Variants in FGF14 observed in about 807,000 individuals in gnomAD.
The protein encoded by FGF14 is fibroblast growth factor homologous factor 4.
A neutral mutation model predicts 25.5 loss-of-function variants in FGF14; 5 were observed. The observed-to-expected ratio is 0.20, with a 90% CI of 0.10 to 0.41. The LOEUF is 0.41. FGF14 is among the 10% of genes least tolerant of loss of function. FGF14 has a pLI of 1.00. For synonymous variants in FGF14, 138 were observed against 118.3 expected (o/e 1.17, Z -1.08); for missense variants, 222 against 320.1 (o/e 0.69, Z 2.34).
At chr13:101,832,750 A>C (rs2042736000) in intron 3 of FGF14, among the ~76,000 whole-genome samples, 1 of 152,062 alleles carries the variant, frequency 6.6e-6, no homozygotes, top group South Asian at 2.1e-4. Flanking sequence ...AAAGGACATG[A>C]ACTTTTAAAT....
At chr13:101,975,296 G>A (rs1850921821) in intron 1 of FGF14, among the ~76,000 whole-genome samples, 1 of 152,138 alleles carries the variant, frequency 6.6e-6, no homozygotes, top group African/African-American at 2.4e-5. Context: ...TCCAGTGGGA[G>A]CCAGCACTAA....
At chr13:102,077,899 C>T (rs185001331) in intron 1 of FGF14, among the ~76,000 whole-genome samples, 3 of 152,122 alleles carry the variant, frequency 2.0e-5, no homozygotes, top group Admixed American at 1.3e-4. Flanking sequence ...TACCCATGAA[C>T]AAATGAATGG....
intron 1 of FGF14, among the ~76,000 whole-genome samples, chr13:102,234,488 T>C (rs9518682): frequency 0.12 from 3,559 of 29,450 alleles, 305 homozygotes; most frequent in Middle Eastern, 0.26. Context: ...AAATATACAC[T>C]TAAATGTGAA....
chr13:101,834,396 G>T (rs1425103623), intron 3 of FGF14, among the ~76,000 whole-genome samples: 2 of 152,058 alleles, frequency 1.3e-5, no homozygotes, highest in Non-Finnish European at 1.5e-5. Context: ...TGGCAAATAT[G>T]TGGTGGTCCA....
At chr13:102,369,037 A>G (rs2057798155) in intron 1 of FGF14, among the ~76,000 whole-genome samples, 1 of 152,216 alleles carries the variant, frequency 6.6e-6, no homozygotes, top group Non-Finnish European at 1.5e-5. Context: ...CTCAGTCAAC[A>G]GATTAGTAAA....
chr13:102,338,764 A>G (rs144838621), intron 1 of FGF14, among the ~76,000 whole-genome samples: 135 of 152,302 alleles, frequency 8.9e-4, no homozygotes, highest in Non-Finnish European at 1.6e-3. Context: ...CTGTAATCCC[A>G]ACACTTTGGG....
chr13:101,839,232 A>C (rs777974636), intron 3 of FGF14, among the ~76,000 whole-genome samples: 12 of 152,192 alleles, frequency 7.9e-5, no homozygotes, highest in South Asian at 4.1e-4. Context: ...CCTTTTATTA[A>C]TTTTAAGTTG....
At chr13:101,845,882 G>A (rs2043429731) in intron 3 of FGF14, among the ~76,000 whole-genome samples, 1 of 151,940 alleles carries the variant, frequency 6.6e-6, no homozygotes. Flanking sequence ...CAGGGGGTAG[G>A]TGGTGGCAGG....
At chr13:102,180,443 G>A (rs1192451671) in intron 1 of FGF14, among the ~76,000 whole-genome samples, 1 of 152,034 alleles carries the variant, frequency 6.6e-6, no homozygotes, top group Non-Finnish European at 1.5e-5. Context: ...CTCCCGAGTA[G>A]CTGGGATTAC....
intron 3 of FGF14, among the ~76,000 whole-genome samples, chr13:101,848,735 G>T (rs1369580319): frequency 6.6e-6 from 1 of 151,962 alleles, no homozygotes; most frequent in East Asian, 1.9e-4. Context: ...GGAGAGAAAA[G>T]TATTTGTAAA....
intron 1 of FGF14, among the ~76,000 whole-genome samples, chr13:102,034,047 G>A (rs1026447925): frequency 3.9e-5 from 6 of 152,106 alleles, no homozygotes; most frequent in Non-Finnish European, 8.8e-5. Context: ...TTCAACAGCT[G>A]TGCCTCTCTT....
chr13:101,946,261 CA>C (rs2035796848), intron 1 of FGF14, among the ~76,000 whole-genome samples: 1 of 151,262 alleles, frequency 6.6e-6, no homozygotes, highest in Non-Finnish European at 1.5e-5. Flanking sequence ...CACAGATCTG[CA>C]GTCCTGCTCT....
At chr13:101,785,019 C>T (rs550952314) in intron 3 of FGF14, among the ~76,000 whole-genome samples, 2 of 152,104 alleles carry the variant, frequency 1.3e-5, no homozygotes, top group Non-Finnish European at 1.5e-5. Context: ...GAAGAGGAAA[C>T]AACCAACCCC....
At chr13:101,832,303 G>A (rs553452799) in intron 3 of FGF14, among the ~76,000 whole-genome samples, 1 of 152,152 alleles carries the variant, frequency 6.6e-6, no homozygotes, top group Admixed American at 6.6e-5. Flanking sequence ...TGAACAGACT[G>A]AAACTGATCT....
intron 1 of FGF14, among the ~76,000 whole-genome samples, chr13:101,888,275 C>T (rs567826761): frequency 2.0e-5 from 3 of 152,172 alleles, no homozygotes; most frequent in East Asian, 1.9e-4. Context: ...CTGCTGGTAG[C>T]GGTAACCTAT....
intron 1 of FGF14, among the ~76,000 whole-genome samples, chr13:102,362,995 A>C (rs1022698495): frequency 1.3e-5 from 2 of 152,168 alleles, no homozygotes; most frequent in Non-Finnish European, 2.9e-5. Context: ...TAGGAAAAAA[A>C]CTCATGAAAA....
chr13:102,380,146 G>C (rs1290136920), intron 1 of FGF14, among the ~76,000 whole-genome samples: 1 of 151,100 alleles, frequency 6.6e-6, no homozygotes, highest in Non-Finnish European at 1.5e-5. Context: ...TAATACAAAG[G>C]AAGTAAACAT....
chr13:102,320,296 C>T (rs955048597), intron 1 of FGF14, among the ~76,000 whole-genome samples: 1 of 151,366 alleles, frequency 6.6e-6, no homozygotes, highest in Non-Finnish European at 1.5e-5. Context: ...CATGAGACTT[C>T]ACAAGTCAAC....
At chr13:101,963,844 T>A (rs2037019405) in intron 1 of FGF14, among the ~76,000 whole-genome samples, 1 of 152,224 alleles carries the variant, frequency 6.6e-6, no homozygotes, top group African/African-American at 2.4e-5. Context: ...TTTGAGATTA[T>A]GAGGATTTTT....
Sources: allele counts gnomAD v4.1 joint callset (sites outside exome capture counted in the v4.1 genomes callset), GRCh38; gene constraint gnomAD v4.1.1; transcripts MANE v1.5; gene names NCBI Gene and HGNC (gene_info 2026-07-23, HGNC 2026-07-21).